Variants in JHY observed in about 807,000 individuals in gnomAD.
The protein encoded by JHY is junctional cadherin complex regulator, also known as jhy protein homolog.
In JHY, 69 loss-of-function variants were observed where a neutral mutation model predicts 78.0. The ratio of observed to expected loss-of-function variants is 0.88; its 90% CI spans 0.73 to 1.08. The LOEUF (loss-of-function observed/expected upper bound fraction) is 1.08. Ranked by LOEUF, JHY falls within the 50% of genes least tolerant of loss-of-function variation. The pLI is 0.00. For synonymous variants in JHY, 368 were observed against 342.6 expected (o/e 1.07, Z -0.82); for missense variants, 944 against 927.8 (o/e 1.02, Z -0.23).
rs186068344 is a variant in JHY at position 122,962,236 on chromosome 11, G to A, written c.*2791G>A. 8.7e-4 allele frequency among the ~76,000 whole-genome samples: 132 copies of A among 152,316 alleles called. 1 individual carries two copies. The highest frequency in any genetic ancestry group is 6.8e-3 in the Middle Eastern group (2 of 294). ...CATTTTTAGATAGGCATATCCAGAA[G>A]TGGATAATTTGAACATCAATTTGGG... On this transcript the variant is annotated 3_prime_UTR_variant, in exon 9 of 9. Coordinates refer to ENST00000227349, the MANE Select transcript of JHY (RefSeq NM_024806.4).
chr11:122,886,249 A>T (rs2135276844), intron 2 of JHY, 56 bp downstream of exon 2: 1 of 1,485,750 alleles, frequency 6.7e-7, no homozygotes, highest in Middle Eastern at 1.8e-4. Flanking sequence ...TCATTAGATA[A>T]TTACTGTCGT....
chr11:122,925,366 T>C (rs952681791), intron 4 of JHY, among the ~76,000 whole-genome samples: 1 of 152,124 alleles, frequency 6.6e-6, no homozygotes, highest in African/African-American at 2.4e-5. Flanking sequence ...CCTTTTGGAG[T>C]TGGCAGTTAC....
chr11:122,910,629 T>C (rs1863097392), intron 3 of JHY, among the ~76,000 whole-genome samples: 1 of 152,184 alleles, frequency 6.6e-6, no homozygotes, highest in Admixed American at 6.6e-5. Flanking sequence ...CCTTTTCAAA[T>C]CTCTTAATTT....
intron 5 of JHY, among the ~76,000 whole-genome samples, chr11:122,938,047 G>A (rs544919692): frequency 2.2e-4 from 34 of 151,864 alleles, no homozygotes; most frequent in South Asian, 1.3e-3. Flanking sequence ...TTGTTTTCTG[G>A]AAGCTTTAGG....
At position 122,946,703 on chromosome 11, in the gene JHY, A is replaced by T; in HGVS notation, c.1840A>T (p.Asn614Tyr). ...ACTCAGTTCAGAGAGAAGCCAAAGA[A>T]ACCAAGTGAAAATTAGCCGTAGCAA... ...SQLSSERSQR[N>Y]QVKISRSNSE... The change falls in exon 6 of 9, where the codon AAC (asparagine) becomes TAC (tyrosine). Residue 614 changes from asparagine to tyrosine, a missense_variant. Coordinates refer to ENST00000227349, the MANE Select transcript of JHY (RefSeq NM_024806.4). The T allele has an allele frequency of 6.2e-7, 1 of 1,614,196 alleles. No homozygotes were observed. Among genetic ancestry groups the T allele is most frequent in the South Asian group, 1.1e-5 (1 of 91,084 alleles).
At chr11:122,915,615 C>T (rs868462586) in intron 3 of JHY, among the ~76,000 whole-genome samples, 1 of 152,132 alleles carries the variant, frequency 6.6e-6, no homozygotes, top group African/African-American at 2.4e-5. Flanking sequence ...TGGGTTCAAG[C>T]GATTCTCCTG....
Position 122,935,176 on chromosome 11 carries a change from C to G in JHY, c.1634+101C>G. 9.0e-7 allele frequency: 1 copy of G among 1,107,024 alleles called. No homozygotes were observed. The highest frequency in any genetic ancestry group is 1.3e-6 in the Non-Finnish European group (1 of 793,440). The allele number at this position is 1,107,024 out of a possible 1,614,324, so 68.6% of individuals were successfully genotyped here. A position where few individuals can be genotyped will look rare whatever the true frequency, so the allele number is the denominator to read the frequency against. ...AGGGGAAGGGGAATCCATAAGGTGGCTAGGTGAGAAGAAGAGTTCACCTAA... is the reference window on the plus strand; with the variant it reads ...AGGGGAAGGGGAATCCATAAGGTGGGTAGGTGAGAAGAAGAGTTCACCTAA... On this transcript the variant is annotated intron_variant, in intron 5 of 8. Coordinates refer to ENST00000227349, the MANE Select transcript of JHY (RefSeq NM_024806.4). The surrounding 1 kb of genome is among the most constrained non-coding windows in gnomAD (Gnocchi z 4.5).
At chr11:122,947,455 T>C (rs150194862) in intron 6 of JHY, 44 of 152,300 alleles carry the variant, frequency 2.9e-4, no homozygotes, top group African/African-American at 8.9e-4. Context: ...ACAAGTAAAA[T>C]TGGGGACCCA....
At chr11:122,953,601 C>CAA (rs201261407) in intron 6 of JHY, among the ~76,000 whole-genome samples, 213 of 64,440 alleles carry the variant, frequency 3.3e-3, no homozygotes, top group African/African-American at 0.012. Flanking sequence ...CACTCCATCT[C>CAA]AAAAAAAAAA....
chr11:122,960,495 C>A lies in JHY; in HGVS notation c.*1050C>A, dbSNP rs190698715. 2 of 229,496 alleles carry A rather than the reference C, an allele frequency of 8.7e-6. No homozygotes were observed. Among genetic ancestry groups the A allele is most frequent in the South Asian group, 7.1e-5 (1 of 14,036 alleles). 14.2% of individuals were successfully genotyped at this position (229,496 alleles called of 1,614,324 possible). On this transcript the variant is annotated 3_prime_UTR_variant, in exon 9 of 9. Coordinates refer to ENST00000227349, the MANE Select transcript of JHY (RefSeq NM_024806.4). ...TTCCTTTTCCTATAGAGGAAAAGTT[C>A]GTTTTGGGCTGATCCCTGAGGAATT...
intron 5 of JHY, among the ~76,000 whole-genome samples, chr11:122,936,355 G>A (rs543687679): frequency 6.6e-6 from 1 of 151,736 alleles, no homozygotes; most frequent in South Asian, 2.1e-4. Context: ...TTGGTGATAT[G>A]GAATGTAGAT....
Position 122,935,130 on chromosome 11 carries a change from C to A in JHY, c.1634+55C>A. 6.9e-7 allele frequency: 1 copy of A among 1,441,024 alleles called. No individual in the cohort carries two copies. Among genetic ancestry groups the A allele is most frequent in the Non-Finnish European group, 9.3e-7 (1 of 1,072,728 alleles). The allele number at this position is 1,441,024 out of a possible 1,614,324, so 89.3% of individuals were successfully genotyped here. A position where few individuals can be genotyped will look rare whatever the true frequency, so the allele number is the denominator to read the frequency against. The stretch of plus-strand genomic sequence containing the variant: ...CTAGAGGAGAAAGGAGAGACTGCTG[C>A]AGAAAGACGGGAGAGGAAGAAGGGG... On this transcript the variant is annotated intron_variant, in intron 5 of 8. Coordinates refer to ENST00000227349, the MANE Select transcript of JHY (RefSeq NM_024806.4). This position sits in a 1 kb window ranked among gnomAD's most constrained non-coding sequence, Gnocchi z 4.5.
At chr11:122,927,537 C>T (rs769317423) in intron 4 of JHY, among the ~76,000 whole-genome samples, 1 of 152,058 alleles carries the variant, frequency 6.6e-6, no homozygotes, top group Non-Finnish European at 1.5e-5. Flanking sequence ...TCTTCAACTA[C>T]CCAAGTCCAA....
rs761262490 is a variant in JHY, at chr11:122,935,057, G to A, written c.1616G>A (p.Arg539Lys). 35 of 1,571,854 alleles carry A rather than the reference G, an allele frequency of 2.2e-5. No individual in the cohort carries two copies. The highest frequency in any genetic ancestry group is 3.0e-5 in the Non-Finnish European group (35 of 1,162,292). Residue 539 changes from arginine to lysine, a missense_variant, in exon 5 of 9, where the codon AGG becomes AAG. By Grantham distance (26) the Arg-to-Lys change is conservative. Coordinates refer to ENST00000227349, the MANE Select transcript of JHY (RefSeq NM_024806.4). The surrounding 1 kb of genome is among the most constrained non-coding windows in gnomAD (Gnocchi z 4.5). ...CAGCCTTATACAGAGACAAAATACA[G>A]GAACTTAGAAATGTTATGGTAAGAA... ...LKQPYTETKY[R>K]NLEMLWKFHS...
chr11:122,941,821 G>T (rs1863879767), intron 5 of JHY, among the ~76,000 whole-genome samples: 2 of 152,098 alleles, frequency 1.3e-5, no homozygotes, highest in African/African-American at 4.8e-5. Context: ...GTTTGGTAAG[G>T]ACCATGACAA....
chr11:122,951,505 A>C (rs1021537524), intron 6 of JHY, among the ~76,000 whole-genome samples: 5 of 152,192 alleles, frequency 3.3e-5, no homozygotes, highest in Admixed American at 3.3e-4. Flanking sequence ...GCTGTTCCAC[A>C]GTGTTTGAGG....
chr11:122,888,539 T>G (rs1025248046), intron 2 of JHY, among the ~76,000 whole-genome samples: 1 of 144,454 alleles, frequency 6.9e-6, no homozygotes, highest in Non-Finnish European at 1.5e-5. Context: ...ACTGATGCTG[T>G]TTTTTTTTTT....
At chr11:122,894,345 A>G (rs1862692076) in intron 2 of JHY, among the ~76,000 whole-genome samples, 1 of 152,000 alleles carries the variant, frequency 6.6e-6, no homozygotes, top group Admixed American at 6.6e-5. Flanking sequence ...AAACAAAAAC[A>G]AAAAGCCACG....
intron 3 of JHY, among the ~76,000 whole-genome samples, chr11:122,911,631 C>T (rs374129373): frequency 2.6e-5 from 4 of 152,110 alleles, no homozygotes; most frequent in Non-Finnish European, 4.4e-5. Flanking sequence ...TGAGACTGAG[C>T]GTGGTGGCTC....
Sources: gnomAD v4.1 joint callset for allele counts (sites outside exome capture counted in the v4.1 genomes callset) on GRCh38, gnomAD v4.1.1 for gene constraint, Gnocchi (gnomAD v3.1) non-coding constraint, MANE v1.5 for transcripts, NCBI Gene and HGNC (gene_info 2026-07-23, HGNC 2026-07-21) for gene names.